The following FAF1 variants were observed in gnomAD, a reference collection of about 807,000 sequenced individuals.
FAF1 encodes FAS-associated factor 1.
In FAF1, 25 loss-of-function variants were observed where a neutral mutation model predicts 92.5. That is an observed-to-expected ratio of 0.27 (90% confidence interval 0.20 to 0.38). The LOEUF (loss-of-function observed/expected upper bound fraction) is 0.38. Ranked by LOEUF, FAF1 falls within the 10% of genes least tolerant of loss-of-function variation. FAF1 has a pLI of 1.00. For missense variants in FAF1, 636 were observed against 793.3 expected (o/e 0.80, Z 2.38); for synonymous variants, 234 against 273.2 (o/e 0.86, Z 1.42).
chr1:50,529,223 C>T (rs941063074), intron 15 of FAF1, among the ~76,000 whole-genome samples: 1 of 152,098 alleles, frequency 6.6e-6, no homozygotes, highest in African/African-American at 2.4e-5. Flanking sequence ...TTTCAATGAA[C>T]CATTGTTGAG....
chr1:50,871,533 T>C (rs1007764001), intron 1 of FAF1, among the ~76,000 whole-genome samples: 2 of 152,214 alleles, frequency 1.3e-5, no homozygotes, highest in African/African-American at 4.8e-5. Context: ...TTCAGAATTA[T>C]GCTAAATCTA....
chr1:50,750,684 C>T (rs1261907641), intron 4 of FAF1, among the ~76,000 whole-genome samples: 2 of 148,156 alleles, frequency 1.3e-5, no homozygotes, highest in African/African-American at 5.0e-5. Context: ...AGTGCAGTGG[C>T]GCAATCTCGG....
At chr1:50,666,515 C>G (rs1442281340) in intron 7 of FAF1, among the ~76,000 whole-genome samples, 1 of 152,118 alleles carries the variant, frequency 6.6e-6, no homozygotes, top group Admixed American at 6.5e-5. Flanking sequence ...AGCTACCGGA[C>G]ACTTTTATAA....
At chr1:50,766,092 C>CA (rs1002071744) in intron 4 of FAF1, among the ~76,000 whole-genome samples, 35 of 145,258 alleles carry the variant, frequency 2.4e-4, no homozygotes, top group Admixed American at 7.5e-4. Context: ...AACTCTGTCT[C>CA]AAAAAAAAAA....
At chr1:50,559,295 C>T (rs1459974343) in intron 13 of FAF1, among the ~76,000 whole-genome samples, 1 of 151,974 alleles carries the variant, frequency 6.6e-6, no homozygotes, top group Admixed American at 6.6e-5. Context: ...GTTGAATGTA[C>T]TATAAACAGT....
intron 1 of FAF1, among the ~76,000 whole-genome samples, chr1:50,861,577 C>A (rs1379881159): frequency 6.6e-6 from 1 of 151,616 alleles, no homozygotes; most frequent in African/African-American, 2.4e-5. Flanking sequence ...TAGTAAGGGA[C>A]AAAAATGCTA....
At chr1:50,667,743 T>C (rs1444111554) in intron 7 of FAF1, among the ~76,000 whole-genome samples, 2 of 152,242 alleles carry the variant, frequency 1.3e-5, no homozygotes. Context: ...TTAAAATTCT[T>C]AATCCATTTT....
rs1430152234 is a variant in FAF1, at chr1:50,809,124, T to C, written c.115-7447A>G. ...AAACTCTGGGACATAGCTAAAGCAATGTTAGGAGAAAAGTTTATAGCGCTG... is the reference window on the plus strand; with the variant it reads ...AAACTCTGGGACATAGCTAAAGCAACGTTAGGAGAAAAGTTTATAGCGCTG... On this transcript the variant is annotated intron_variant, in intron 2 of 18. Transcript: ENST00000396153. 2.6e-5 allele frequency among the ~76,000 whole-genome samples: 4 copies of C among 152,196 alleles called. No homozygotes were observed. In the East Asian group the frequency reaches 7.7e-4, roughly 29 times the overall value.
In FAF1 at chr1:50,574,896, C is replaced by CTGTTTTTTTTTT. The variant is rs1558000811; in HGVS notation, c.1114-7666_1114-7665insAAAAAAAAAACA. On this transcript the variant is annotated intron_variant, in intron 12 of 18. Coordinates refer to ENST00000396153, the MANE Select transcript of FAF1 (RefSeq NM_007051.3). ...GTTTAAGCATATAGAGTTGTATTAA[C>CTGTTTTTTTTTT]TCTTTTTTTTTTTTTTTTTTTTTTT... Among the ~76,000 whole-genome samples, 219 of 122,874 alleles carry CTGTTTTTTTTTT rather than the reference C, an allele frequency of 1.8e-3. 12 individuals are homozygous for CTGTTTTTTTTTT. The highest frequency in any genetic ancestry group is 6.5e-3 in the African/African-American group (200 of 30,766). 80.6% of individuals were successfully genotyped at this position (122,874 alleles called of 152,430 possible).
chr1:50,608,356 C>T (rs571608120), intron 8 of FAF1, among the ~76,000 whole-genome samples: 179 of 152,252 alleles, frequency 1.2e-3, no homozygotes, highest in African/African-American at 3.9e-3. Context: ...AGTTCAGTCC[C>T]GCCTTGCACC....
chr1:50,451,058 C>T (rs1037816836), intron 18 of FAF1, among the ~76,000 whole-genome samples: 2 of 152,134 alleles, frequency 1.3e-5, no homozygotes, highest in African/African-American at 2.4e-5. Context: ...GTGACAGATG[C>T]TCCTCTTTTC....
chr1:50,812,392 C>A (rs969748037), intron 2 of FAF1, among the ~76,000 whole-genome samples: 3 of 152,070 alleles, frequency 2.0e-5, no homozygotes, highest in Non-Finnish European at 2.9e-5. Context: ...AAACAAACAA[C>A]CCCATTAAAA....
chr1:50,864,077 AT>A (rs1644459690), intron 1 of FAF1, among the ~76,000 whole-genome samples: 1 of 151,416 alleles, frequency 6.6e-6, no homozygotes, highest in South Asian at 2.1e-4. Context: ...TATTGTGTCT[AT>A]TTGATTCTTC....
chr1:50,902,259 A>C (rs1225708486), intron 1 of FAF1, among the ~76,000 whole-genome samples: 1 of 152,192 alleles, frequency 6.6e-6, no homozygotes, highest in Non-Finnish European at 1.5e-5. Flanking sequence ...GTGCTATCTA[A>C]TATGGTAGCC....
chr1:50,529,769 G>A (rs1212844077), intron 15 of FAF1, among the ~76,000 whole-genome samples: 1 of 152,064 alleles, frequency 6.6e-6, no homozygotes, highest in Non-Finnish European at 1.5e-5. Flanking sequence ...GGAATTTCTG[G>A]GTTGTAAGCC....
intron 7 of FAF1, among the ~76,000 whole-genome samples, chr1:50,663,785 C>A (rs1030415596): frequency 6.6e-6 from 1 of 151,582 alleles, no homozygotes; most frequent in African/African-American, 2.4e-5. Flanking sequence ...TACTAAAATT[C>A]TTTGAACTCT....
chr1:50,588,972 C>A (rs1208230075), intron 9 of FAF1, among the ~76,000 whole-genome samples: 1 of 152,148 alleles, frequency 6.6e-6, no homozygotes. Flanking sequence ...GCTTGCTTAT[C>A]CTCAATTGCA....
chr1:50,653,348 AG>A (rs1654951564), intron 8 of FAF1, among the ~76,000 whole-genome samples: 1 of 152,122 alleles, frequency 6.6e-6, no homozygotes, highest in Non-Finnish European at 1.5e-5. Context: ...TTAAAAATAA[AG>A]GGGCTTTTGT....
At chr1:50,454,678 G>A (rs1000879267) in intron 18 of FAF1, among the ~76,000 whole-genome samples, 1 of 152,184 alleles carries the variant, frequency 6.6e-6, no homozygotes, top group Non-Finnish European at 1.5e-5. Flanking sequence ...TGGAATGCAG[G>A]TACTGGCAAT....
Sources: gnomAD v4.1 joint callset for allele counts (sites outside exome capture counted in the v4.1 genomes callset) on GRCh38, gnomAD v4.1.1 for gene constraint, MANE v1.5 for transcripts, NCBI Gene and HGNC (gene_info 2026-07-23, HGNC 2026-07-21) for gene names.